Variants in PTPRD observed in about 807,000 individuals in gnomAD.
PTPRD encodes the protein receptor-type tyrosine-protein phosphatase delta.
Under a neutral mutation model 214.5 loss-of-function variants are expected in PTPRD, and 34 were observed. The ratio of observed to expected loss-of-function variants is 0.16; its 90% confidence interval spans 0.12 to 0.21. PTPRD has a LOEUF of 0.21. Among genes scored for constraint, PTPRD ranks in the 10% least tolerant of loss-of-function variants. PTPRD has a pLI of 1.00. For missense variants in PTPRD, 2,545 were observed against 2,398.7 expected, an observed-to-expected ratio of 1.06 and a Z score of -1.27; for synonymous variants, 1,128 against 845.7, an observed-to-expected ratio of 1.33 and a Z score of -5.79.
chr9:8,351,645 CT>C (rs1588392800), intron 39 of PTPRD, among the ~76,000 whole-genome samples: 1 of 145,588 alleles, frequency 6.9e-6, no homozygotes, highest in East Asian at 2.0e-4. Flanking sequence ...GTAGCCCAGA[CT>C]TAGTCCTGCC....
At chr9:9,310,269 T>C (rs1307270475) in intron 9 of PTPRD, among the ~76,000 whole-genome samples, 1 of 152,012 alleles carries the variant, frequency 6.6e-6, no homozygotes, top group Non-Finnish European at 1.5e-5. Flanking sequence ...TGTGCCATAG[T>C]GGGGGCAGGT....
At chr9:8,969,796 T>G (rs2099225335) in intron 11 of PTPRD, among the ~76,000 whole-genome samples, 1 of 151,832 alleles carries the variant, frequency 6.6e-6, no homozygotes, top group African/African-American at 2.4e-5. Context: ...TCAAGAAAAG[T>G]ATAAAAAAGT....
intron 11 of PTPRD, among the ~76,000 whole-genome samples, chr9:8,996,798 A>C (rs1280815734): frequency 6.6e-6 from 1 of 151,966 alleles, no homozygotes; most frequent in African/African-American, 2.4e-5. Flanking sequence ...CCTACCTCTT[A>C]ATACTTTTAC....
chr9:9,727,839 T>G (rs1274577249), intron 7 of PTPRD, among the ~76,000 whole-genome samples: 2 of 152,174 alleles, frequency 1.3e-5, no homozygotes, highest in Non-Finnish European at 2.9e-5. Context: ...TCAAGTTGGG[T>G]TGAACTCCAC....
intron 3 of PTPRD, among the ~76,000 whole-genome samples, chr9:10,173,847 A>G (rs1378010400): frequency 6.6e-6 from 1 of 151,806 alleles, no homozygotes; most frequent in Admixed American, 6.6e-5. Flanking sequence ...TGAGCCTTGT[A>G]GTCTCACACA....
chr9:10,467,030 A>T (rs1190993042), intron 2 of PTPRD, among the ~76,000 whole-genome samples: 1 of 152,196 alleles, frequency 6.6e-6, no homozygotes, highest in Admixed American at 6.5e-5. Context: ...AGATGATGGC[A>T]ACCATCCATC....
rs2297783 is a variant in PTPRD at position 8,636,930 on chromosome 9, C to G, written c.65-86G>C. Reference sequence around the variant, plus strand: ...CTACCGCTGCTCTCCCCACCATCCTCAACCACACCGCCATCAAGACATACA... The same window carrying G: ...CTACCGCTGCTCTCCCCACCATCCTGAACCACACCGCCATCAAGACATACA... On this transcript the variant is annotated intron_variant, in intron 12 of 45. Transcript: ENST00000381196. 1.9e-4 allele frequency: 249 copies of G among 1,322,628 alleles called. 1 individual carries two copies. The East Asian group carries it at 4.4e-3, about 24-fold the overall frequency. The allele number at this position is 1,322,628 out of a possible 1,614,324, so 81.9% of individuals were successfully genotyped here.
chr9:9,968,859 A>C (rs956607541), intron 4 of PTPRD, among the ~76,000 whole-genome samples: 1 of 152,282 alleles, frequency 6.6e-6, no homozygotes, highest in African/African-American at 2.4e-5. Context: ...AAGACACAGA[A>C]CTAAGGATGT....
intron 9 of PTPRD, among the ~76,000 whole-genome samples, chr9:9,375,166 A>G (rs903856200): frequency 6.6e-6 from 1 of 152,202 alleles, no homozygotes; most frequent in African/African-American, 2.4e-5. Context: ...AATTTTCTAC[A>G]TCATACTGAA....
At chr9:10,367,664 T>A (rs1038806840) in intron 2 of PTPRD, among the ~76,000 whole-genome samples, 1 of 152,144 alleles carries the variant, frequency 6.6e-6, no homozygotes, top group Non-Finnish European at 1.5e-5. Flanking sequence ...AGAGAGTATG[T>A]AAGAAGCTGT....
intron 12 of PTPRD, among the ~76,000 whole-genome samples, chr9:8,690,945 G>A (rs569793926): frequency 3.9e-5 from 6 of 152,148 alleles, no homozygotes; most frequent in African/African-American, 1.4e-4. Context: ...ATTTGACTGG[G>A]GCATTTCTGT....
At chr9:10,582,217 A>G (rs2072135286) in intron 2 of PTPRD, among the ~76,000 whole-genome samples, 1 of 152,194 alleles carries the variant, frequency 6.6e-6, no homozygotes, top group South Asian at 2.1e-4. Flanking sequence ...GTTTATCAAC[A>G]AGAAGCAGCA....
chr9:9,185,926 C>G (rs1415752562), intron 9 of PTPRD, among the ~76,000 whole-genome samples: 1 of 150,110 alleles, frequency 6.7e-6, no homozygotes, highest in South Asian at 2.1e-4. Flanking sequence ...TTTCAGAGTA[C>G]AAATATCAGT....
intron 9 of PTPRD, among the ~76,000 whole-genome samples, chr9:9,269,563 T>C (rs1204939029): frequency 6.6e-6 from 1 of 151,450 alleles, no homozygotes; most frequent in Admixed American, 6.6e-5. Context: ...TCCATGTTGA[T>C]CACAGCATTT....
chr9:10,574,548 C>A (rs897292957), intron 2 of PTPRD, among the ~76,000 whole-genome samples: 5 of 151,808 alleles, frequency 3.3e-5, no homozygotes, highest in African/African-American at 1.2e-4. Context: ...AAAAATATAT[C>A]ATTTCTAAGC....
chr9:9,635,077 T>G (rs1008803633), intron 7 of PTPRD, among the ~76,000 whole-genome samples: 1 of 152,226 alleles, frequency 6.6e-6, no homozygotes, highest in African/African-American at 2.4e-5. Context: ...TACTATTTTT[T>G]AATGGATTAG....
At chr9:8,837,474 C>A (rs1402254364) in intron 11 of PTPRD, among the ~76,000 whole-genome samples, 1 of 151,174 alleles carries the variant, frequency 6.6e-6, no homozygotes, top group Non-Finnish European at 1.5e-5. Flanking sequence ...CATCAGAAGA[C>A]TAATCTCCTT....
At chr9:9,282,859 A>C (rs1324555935) in intron 9 of PTPRD, among the ~76,000 whole-genome samples, 1 of 151,494 alleles carries the variant, frequency 6.6e-6, no homozygotes, top group African/African-American at 2.4e-5. Context: ...TGGCTCCAAA[A>C]TTTCTGTTAG....
In PTPRD at chr9:9,682,658, T is replaced by C. The variant is rs1381655638; in HGVS notation, c.-287+51875A>G. 4.0e-5 allele frequency among the ~76,000 whole-genome samples: 6 copies of C among 151,640 alleles called. 1 individual carries two copies. Among genetic ancestry groups the C allele is most frequent in the Non-Finnish European group, 8.9e-5 (6 of 67,782 alleles). ...ACAGACTGTCCAGTCTCTGTCCAGG[T>C]GTTGGTAGAGTACACCAGGACATGC... On this transcript the variant is annotated intron_variant, in intron 7 of 45. Transcript: ENST00000381196.
Sources: gnomAD v4.1 joint callset for allele counts (sites outside exome capture counted in the v4.1 genomes callset) on GRCh38, gnomAD v4.1.1 for gene constraint, MANE v1.5 for transcripts, NCBI Gene and HGNC (gene_info 2026-07-23, HGNC 2026-07-21) for gene names.